The following DOCK8 variants were observed in gnomAD, a reference collection of about 807,000 sequenced individuals.
The protein encoded by DOCK8 is dedicator of cytokinesis 8, also known as dedicator of cytokinesis protein 8.
Under a neutral mutation model 245.6 loss-of-function variants are expected in DOCK8, and 141 were observed. The ratio of observed to expected loss-of-function variants is 0.57; its 90% CI spans 0.50 to 0.66. The LOEUF is 0.66. DOCK8 is among the 30% of genes least tolerant of loss of function. The pLI, the probability that DOCK8 is intolerant of heterozygous loss-of-function variation, is 0.00. For missense variants in DOCK8, 2,965 were observed against 2,603.4 expected (o/e 1.14, Z -3.02); for synonymous variants, 1,168 against 970.2 (o/e 1.20, Z -3.79).
At chr9:333,387 G>A (rs182884196) in intron 10 of DOCK8, among the ~76,000 whole-genome samples, 1 of 152,314 alleles carries the variant, frequency 6.6e-6, no homozygotes, top group East Asian at 1.9e-4. Context: ...AGATCATGAG[G>A]TCAGAAGATT....
chr9:419,606 ATT>A (rs888058960), intron 30 of DOCK8, among the ~76,000 whole-genome samples: 21 of 152,302 alleles, frequency 1.4e-4, no homozygotes, highest in African/African-American at 4.8e-4. Flanking sequence ...CAAAACTAAC[ATT>A]TCCCTCCCAT....
At chr9:329,908 A>G (rs1340138570) in intron 9 of DOCK8, among the ~76,000 whole-genome samples, 1 of 152,236 alleles carries the variant, frequency 6.6e-6, no homozygotes, top group Non-Finnish European at 1.5e-5. Flanking sequence ...AGAAATTGAA[A>G]TCTACTCAGC....
At chr9:449,323 C>T (rs1265758252) in intron 44 of DOCK8, among the ~76,000 whole-genome samples, 1 of 152,000 alleles carries the variant, frequency 6.6e-6, no homozygotes, top group South Asian at 2.1e-4. Context: ...GCACTCCAGC[C>T]TAGACAACAA....
intron 1 of DOCK8, among the ~76,000 whole-genome samples, chr9:268,847 C>G (rs2048092600): frequency 6.6e-6 from 1 of 152,196 alleles, no homozygotes; most frequent in Admixed American, 6.5e-5. Context: ...ACACAAGACA[C>G]ATTGTTGCTC....
intron 39 of DOCK8, among the ~76,000 whole-genome samples, chr9:438,690 G>A (rs2056986196): frequency 1.3e-5 from 2 of 152,200 alleles, no homozygotes; most frequent in Non-Finnish European, 1.5e-5. Flanking sequence ...GGAAACAAAT[G>A]CATGGAAACA....
chr9:434,222 A>G lies in DOCK8; in HGVS notation c.4886+247A>G, dbSNP rs4741902. Among the ~76,000 whole-genome samples, 108,664 of 152,052 alleles carry G rather than the reference A, an allele frequency of 0.71. 39,672 individuals are homozygous for G. Among genetic ancestry groups the G allele is most frequent in the East Asian group, 0.98 (5,086 of 5,184 alleles). On this transcript the variant is annotated intron_variant, in intron 38 of 47. Transcript: ENST00000432829. ...TAATAACATTATTAAATATAATAAC[A>G]CTATCTTCTACTTACCACAGAATCA...
chr9:252,942 C>T (rs1349199416), intron 1 of DOCK8, among the ~76,000 whole-genome samples: 2 of 152,086 alleles, frequency 1.3e-5, no homozygotes, highest in African/African-American at 2.4e-5. Context: ...GAAGTTGGTC[C>T]TAGGGTATCC....
intron 4 of DOCK8, among the ~76,000 whole-genome samples, chr9:301,490 G>T (rs183673092): frequency 5.7e-4 from 87 of 152,304 alleles, no homozygotes; most frequent in Middle Eastern, 3.4e-3. Context: ...GGAAGTGCTA[G>T]CCAGAGAAAT....
chr9:407,139 C>G, intron 28 of DOCK8, 70 bp downstream of exon 28: 1 of 1,601,160 alleles, frequency 6.2e-7, no homozygotes, highest in Non-Finnish European at 8.5e-7. Flanking sequence ...AATTTGCAGT[C>G]TAGCTTCTCA....
intron 1 of DOCK8, among the ~76,000 whole-genome samples, chr9:262,390 A>G (rs2047937606): frequency 6.6e-6 from 1 of 151,100 alleles, no homozygotes. Context: ...CAGCAACTTT[A>G]TTTGTAATAG....
At chr9:427,482 C>T (rs1380969523) in intron 34 of DOCK8, among the ~76,000 whole-genome samples, 1 of 152,170 alleles carries the variant, frequency 6.6e-6, no homozygotes, top group African/African-American at 2.4e-5. Context: ...AATTTGCCAT[C>T]CCTGCTGTAG....
At chr9:454,087 G>A (rs1564088130) in intron 46 of DOCK8, among the ~76,000 whole-genome samples, 1 of 152,216 alleles carries the variant, frequency 6.6e-6, no homozygotes, top group Non-Finnish European at 1.5e-5. Flanking sequence ...TCAGAAAAGA[G>A]AAATCAGTTT....
chr9:281,247 C>CAA (rs35178052), intron 2 of DOCK8, among the ~76,000 whole-genome samples: 1 of 142,466 alleles, frequency 7.0e-6, no homozygotes. Flanking sequence ...GACTCTGTCT[C>CAA]AAAAAAAAAA....
intron 46 of DOCK8, chr9:460,154 G>C (rs75235107): frequency 8.0e-6 from 1 of 125,220 alleles, no homozygotes; most frequent in African/African-American, 2.8e-5. Context: ...ATTTTCCAGA[G>C]AAAATTGAAG....
chr9:340,377 T>G, intron 14 of DOCK8, 56 bp downstream of exon 14: 1 of 1,606,732 alleles, frequency 6.2e-7, no homozygotes, highest in Non-Finnish European at 8.5e-7. Flanking sequence ...TCCCATAACT[T>G]TGGGAGGCCG....
At chr9:374,187 A>T (rs1262609349) in intron 18 of DOCK8, among the ~76,000 whole-genome samples, 1 of 152,202 alleles carries the variant, frequency 6.6e-6, no homozygotes, top group Non-Finnish European at 1.5e-5. Context: ...TGCTGTGTTT[A>T]TAGATATACC....
rs117271122 is a variant in DOCK8, at chr9:419,288, G to C, written c.3840+1081G>C. Among the ~76,000 whole-genome samples, 115 of 152,264 alleles carry C rather than the reference G, an allele frequency of 7.6e-4. No individual in the cohort carries two copies. In the East Asian group the frequency reaches 0.017, roughly 22 times the overall value. ...GCAAGCTCCATCACCATGAGGATTG[G>C]GGGGACAGTGAGGCAGGAAGATGAG... On this transcript the variant is annotated intron_variant, in intron 30 of 47. Coordinates refer to ENST00000432829, the MANE Select transcript of DOCK8 (RefSeq NM_203447.4).
At chr9:333,355 A>C (rs1293376283) in intron 10 of DOCK8, among the ~76,000 whole-genome samples, 1 of 152,190 alleles carries the variant, frequency 6.6e-6, no homozygotes, top group Non-Finnish European at 1.5e-5. Flanking sequence ...TAATCCCAGC[A>C]CTTTGGGAGG....
At chr9:258,743 A>C (rs1029690742) in intron 1 of DOCK8, among the ~76,000 whole-genome samples, 1 of 151,708 alleles carries the variant, frequency 6.6e-6, no homozygotes, top group Non-Finnish European at 1.5e-5. Flanking sequence ...GATTACAGAC[A>C]TGTGCCACCA....
Sources: gnomAD v4.1 joint callset for allele counts (sites outside exome capture counted in the v4.1 genomes callset) on GRCh38, gnomAD v4.1.1 for gene constraint, MANE v1.5 for transcripts, NCBI Gene and HGNC (gene_info 2026-07-23, HGNC 2026-07-21) for gene names.